MEF2C: variants seen among roughly 807,000 people sequenced by gnomAD.
MEF2C encodes the protein myocyte-specific enhancer factor 2C.
Under a neutral mutation model 50.5 loss-of-function variants are expected in MEF2C, and 6 were observed. The ratio of observed to expected loss-of-function variants is 0.12; its 90% CI spans 0.07 to 0.23. The LOEUF (loss-of-function observed/expected upper bound fraction) is 0.23. Ranked by LOEUF, MEF2C falls within the 10% of genes least tolerant of loss-of-function variation. The pLI, the probability that MEF2C is intolerant of heterozygous loss-of-function variation, is 1.00. For synonymous variants in MEF2C, 183 were observed against 228.0 expected (o/e 0.80, Z 1.78); for missense variants, 276 against 605.0 (o/e 0.46, Z 5.70).
At chr5:88,869,296 C>CGTAT (rs1828665479) in intron 1 of MEF2C, among the ~76,000 whole-genome samples, 8 of 104,866 alleles carry the variant, frequency 7.6e-5, no homozygotes, top group Admixed American at 4.5e-4. Flanking sequence ...TATATATATA[C>CGTAT]ACATATATAT....
intron 1 of MEF2C, among the ~76,000 whole-genome samples, chr5:88,875,055 G>A (rs566716857): frequency 7.6e-4 from 115 of 151,934 alleles, no homozygotes; most frequent in African/African-American, 2.6e-3. Context: ...AAATCACATG[G>A]GTAACAGTTG....
intron 3 of MEF2C, among the ~76,000 whole-genome samples, chr5:88,790,265 A>C (rs779819205): frequency 6.6e-6 from 1 of 152,260 alleles, no homozygotes; most frequent in Non-Finnish European, 1.5e-5. Context: ...CCATAAAATT[A>C]CAAAGAGGAA....
intron 1 of MEF2C, chr5:88,838,741 C>G: frequency 3.0e-6 from 3 of 984,426 alleles, no homozygotes; most frequent in Non-Finnish European, 3.6e-6. Context: ...TTTTCCTTCT[C>G]GTTATGCTCT....
At chr5:88,833,750 G>A (rs975617372) in intron 1 of MEF2C, among the ~76,000 whole-genome samples, 14 of 152,154 alleles carry the variant, frequency 9.2e-5, no homozygotes, top group African/African-American at 1.7e-4. Context: ...CTGAGCTTCC[G>A]TATGGTTAAA....
chr5:88,725,797 C>G (rs1758449204), intron 10 of MEF2C, among the ~76,000 whole-genome samples: 1 of 152,154 alleles, frequency 6.6e-6, no homozygotes, highest in South Asian at 2.1e-4. Context: ...TAAGTCATCT[C>G]TACTCAGAGT....
chr5:88,786,162 C>T (rs1790790450), intron 3 of MEF2C, among the ~76,000 whole-genome samples: 1 of 152,158 alleles, frequency 6.6e-6, no homozygotes, highest in Non-Finnish European at 1.5e-5. Context: ...GCTTCCTCCA[C>T]ATATTGTGAA....
intron 1 of MEF2C, among the ~76,000 whole-genome samples, chr5:88,875,961 C>A (rs1293882953): frequency 2.0e-5 from 3 of 151,544 alleles, no homozygotes; most frequent in Admixed American, 6.6e-5. Context: ...ACCTGAAAAA[C>A]TGTGGATGTT....
chr5:88,781,117 T>G (rs1345781670), intron 3 of MEF2C, among the ~76,000 whole-genome samples: 1 of 152,106 alleles, frequency 6.6e-6, no homozygotes, highest in African/African-American at 2.4e-5. Flanking sequence ...TAAAAATCTG[T>G]GTAGTGAGGA....
chr5:88,775,595 TAATA>T (rs1204474990), intron 3 of MEF2C, among the ~76,000 whole-genome samples: 2 of 152,246 alleles, frequency 1.3e-5, no homozygotes, highest in Non-Finnish European at 2.9e-5. Flanking sequence ...CAAATTAAAT[TAATA>T]ATTAAAATCA....
upstream of MEF2C, among the ~76,000 whole-genome samples, chr5:88,886,251 A>T (rs1834036522): frequency 6.6e-6 from 1 of 152,222 alleles, no homozygotes; most frequent in African/African-American, 2.4e-5. Context: ...TGAGTAATCC[A>T]CAAAGTAGTT....
At chr5:88,840,149 C>T (rs182771141) in intron 1 of MEF2C, among the ~76,000 whole-genome samples, 7 of 152,168 alleles carry the variant, frequency 4.6e-5, no homozygotes, top group African/African-American at 1.4e-4. Context: ...TAAGGCCTTC[C>T]GGAAAAGGAG....
At chr5:88,822,254 CA>C (rs1324343825) in intron 2 of MEF2C, among the ~76,000 whole-genome samples, 1 of 151,868 alleles carries the variant, frequency 6.6e-6, no homozygotes. Flanking sequence ...TGACTATACT[CA>C]AAATAGGTTC....
chr5:88,783,136 CTTCT>C (rs974675237), intron 3 of MEF2C, among the ~76,000 whole-genome samples: 4 of 152,268 alleles, frequency 2.6e-5, no homozygotes, highest in Admixed American at 1.3e-4. Flanking sequence ...ACCTTTTAAA[CTTCT>C]TTCTACCACT....
intron 6 of MEF2C, among the ~76,000 whole-genome samples, chr5:88,745,649 G>GA (rs1769110883): frequency 2.9e-5 from 2 of 69,428 alleles, no homozygotes; most frequent in African/African-American, 7.6e-5. Flanking sequence ...ATCTCTATAA[G>GA]GAAAAAAATT....
chr5:88,800,346 T>C (rs1375107857), intron 3 of MEF2C, among the ~76,000 whole-genome samples: 1 of 152,184 alleles, frequency 6.6e-6, no homozygotes, highest in East Asian at 1.9e-4. Flanking sequence ...TATACTGCAT[T>C]AATGAGGTTA....
At chr5:88,853,158 A>C (rs1470035716) in intron 1 of MEF2C, among the ~76,000 whole-genome samples, 2 of 152,190 alleles carry the variant, frequency 1.3e-5, no homozygotes, top group African/African-American at 4.8e-5. Context: ...TAGAAGTTCA[A>C]GGCTGCAGTG....
chr5:88,852,699 C>G (rs756910008), intron 1 of MEF2C, among the ~76,000 whole-genome samples: 1 of 151,856 alleles, frequency 6.6e-6, no homozygotes, highest in Admixed American at 6.6e-5. Context: ...GGTGAAACCC[C>G]GTTTCACCGT....
At position 88,871,311 on chromosome 5, in the gene MEF2C, T is replaced by C. The variant is rs1477798068; in HGVS notation, c.-143+11644A>G. On this transcript the variant is annotated intron_variant, in intron 1 of 10. Coordinates refer to ENST00000504921, the MANE Select transcript of MEF2C (RefSeq NM_002397.5). ...AGATGGGAATAATTCTCTAAGCCCATGTGCCTTAGAGGGCTCCATCATCTT... is the reference window on the plus strand; with the variant it reads ...AGATGGGAATAATTCTCTAAGCCCACGTGCCTTAGAGGGCTCCATCATCTT... 1.3e-5 allele frequency among the ~76,000 whole-genome samples: 2 copies of C among 151,990 alleles called. 1 individual carries two copies. The highest frequency in any genetic ancestry group is 4.1e-4 in the South Asian group (2 of 4,824).
intron 1 of MEF2C, among the ~76,000 whole-genome samples, chr5:88,898,718 A>G (rs957133022): frequency 6.6e-6 from 1 of 152,168 alleles, no homozygotes; most frequent in Admixed American, 6.6e-5. Flanking sequence ...TACATTAATC[A>G]TGTTTTAATT....
Sources: allele counts gnomAD v4.1 joint callset (sites outside exome capture counted in the v4.1 genomes callset), GRCh38; gene constraint gnomAD v4.1.1; transcripts MANE v1.5; gene names NCBI Gene and HGNC (gene_info 2026-07-23, HGNC 2026-07-21).